DCAF15: variants seen among roughly 807,000 people sequenced by gnomAD.
The protein encoded by DCAF15 is DDB1- and CUL4-associated factor 15.
Under a neutral mutation model 68.0 loss-of-function variants are expected in DCAF15, and 24 were observed. The ratio of observed to expected loss-of-function variants is 0.35; its 90% confidence interval spans 0.26 to 0.50. DCAF15 has a LOEUF of 0.50. Ranked by LOEUF, DCAF15 falls within the 20% of genes least tolerant of loss-of-function variation. The pLI, the probability that DCAF15 is intolerant of heterozygous loss-of-function variation, is 0.98. For missense variants in DCAF15, 627 were observed against 830.6 expected, an observed-to-expected ratio of 0.75 and a Z score of 3.01; for synonymous variants, 376 against 341.6, an observed-to-expected ratio of 1.10 and a Z score of -1.11.
In DCAF15 at chr19:13,961,415, C is replaced by T. The variant is rs887358553; in HGVS notation, c.*420C>T. 1.0e-5 allele frequency: 2 copies of T among 200,922 alleles called. No homozygotes were observed. The highest frequency in any genetic ancestry group is 2.3e-5 in the African/African-American group (1 of 42,928). 12.4% of individuals were successfully genotyped at this position (200,922 alleles called of 1,614,324 possible). On this transcript the variant is annotated 3_prime_UTR_variant, in exon 13 of 13. Transcript: ENST00000254337. ...ACCTGGCCATCCCCATTCCGTTCTT[C>T]TTCATGTAATAAATGTTTTAATTTC...
chr19:13,955,632 G>A (rs1217248211), intron 3 of DCAF15, among the ~76,000 whole-genome samples: 1 of 152,180 alleles, frequency 6.6e-6, no homozygotes, highest in Non-Finnish European at 1.5e-5. Flanking sequence ...AACTCAGAGA[G>A]CTGAACGGGC....
Position 13,959,166 on chromosome 19 carries a change from G to A in DCAF15, c.906G>A (p.Ala302=), listed in dbSNP as rs116556577. The A allele has an allele frequency of 2.7e-5, 44 of 1,612,356 alleles. No homozygotes were observed. Among genetic ancestry groups the A allele is most frequent in the Admixed American group, 2.2e-4 (13 of 59,990 alleles). ...PPALPSFCPE[A]APARSSGSPE... is the part of the protein sequence containing the mutation. ...CCCTCCCCAGCTTCTGCCCTGAGGCGGCCCCAGCCCGTTCTTCTGGGTCTC... is the reference window on the plus strand; with the variant it reads ...CCCTCCCCAGCTTCTGCCCTGAGGCAGCCCCAGCCCGTTCTTCTGGGTCTC... Residue 302 remains alanine (A), a synonymous_variant, in exon 7 of 13, where the codon GCG becomes GCA. Transcript: ENST00000254337.
Position 13,960,055 on chromosome 19 carries a change from G to A in DCAF15, c.1512G>A (p.Glu504=), listed in dbSNP as rs776449506. The change falls in exon 10 of 13, where the codon GAG becomes GAA. Residue 504 remains glutamate (E), a synonymous_variant. Coordinates refer to ENST00000254337, the MANE Select transcript of DCAF15 (RefSeq NM_138353.4). ...TCCTGGCCTTCCCGTCCCCCACTGA[G>A]GAGGGCCAGCTCCGGTGAGCGCGGG... ...LLLLAFPSPT[E]EGQLRPKTYH... 6.2e-6 allele frequency: 10 copies of A among 1,613,720 alleles called. No homozygotes were observed. The highest frequency in any genetic ancestry group is 8.5e-6 in the Non-Finnish European group (10 of 1,180,002).
Position 13,961,275 on chromosome 19 carries a change from C to T in DCAF15, c.*280C>T, listed in dbSNP as rs1380348272. 2.0e-5 allele frequency: 11 copies of T among 539,268 alleles called. No homozygotes were observed. Among genetic ancestry groups the T allele is most frequent in the Non-Finnish European group, 3.3e-5 (10 of 299,054 alleles). The allele number at this position is 539,268 out of a possible 1,614,324, so 33.4% of individuals were successfully genotyped here. A position where few individuals can be genotyped will look rare whatever the true frequency, so the allele number is the denominator to read the frequency against. ...ACCCCGAGCTGGGCATGGGCCTGGC[C>T]CCTCGTGCATTTGCCCTTTTCTCGG... On this transcript the variant is annotated 3_prime_UTR_variant, in exon 13 of 13. Coordinates refer to ENST00000254337, the MANE Select transcript of DCAF15 (RefSeq NM_138353.4).
intron 1 of DCAF15, 85 bp downstream of exon 1, chr19:13,952,729 G>C (rs890911432): frequency 8.7e-6 from 9 of 1,032,248 alleles, no homozygotes; most frequent in Non-Finnish European, 1.0e-5. Flanking sequence ...CGTTCGCGGG[G>C]TGAGGGGTTG....
At chr19:13,957,849 T>G (rs572534402) in intron 6 of DCAF15, among the ~76,000 whole-genome samples, 1 of 152,052 alleles carries the variant, frequency 6.6e-6, no homozygotes, top group Non-Finnish European at 1.5e-5. Flanking sequence ...ATTGTGCCAA[T>G]GTACTCCAGC....
At chr19:13,954,232 G>A in intron 1 of DCAF15, 108 bp from the exon 2 acceptor site, 1 of 893,884 alleles carries the variant, frequency 1.1e-6, no homozygotes, top group Non-Finnish European at 1.8e-6. Flanking sequence ...CATTATGGTG[G>A]GCTGGGCCGG....
At chr19:13,954,794 G>A (rs568200458) in intron 3 of DCAF15, 133 bp downstream of exon 3, 1 of 999,372 alleles carries the variant, frequency 1.0e-6, no homozygotes, top group East Asian at 2.5e-5. Context: ...AAGATTCCAT[G>A]TGTTAGATCC....
intron 1 of DCAF15, chr19:13,953,212 C>T: frequency 7.2e-7 from 1 of 1,387,152 alleles, no homozygotes; most frequent in South Asian, 1.4e-5. Context: ...GGCTCTGTCT[C>T]CTCCATCAGA....
chr19:13,956,671 A>C, intron 6 of DCAF15, 149 bp downstream of exon 6: 3 of 933,102 alleles, frequency 3.2e-6, no homozygotes, highest in Non-Finnish European at 3.2e-6. Flanking sequence ...TGCGGTCCAA[A>C]TGTGGCCACG....
At chr19:13,953,292 A>G (rs1973174002) in intron 1 of DCAF15, 1 of 663,988 alleles carries the variant, frequency 1.5e-6, no homozygotes, top group Non-Finnish European at 2.5e-6. Context: ...GAGGGCAGAA[A>G]TGTGGATCTC....
Position 13,953,000 on chromosome 19 carries a change from C to T in DCAF15, c.132+356C>T, listed in dbSNP as rs142378263. The T allele has an allele frequency of 2.6e-4, 309 of 1,185,896 alleles. No homozygotes were observed. The African/African-American group carries it at 4.4e-3, about 17-fold the overall frequency. 73.5% of individuals were successfully genotyped at this position (1,185,896 alleles called of 1,614,324 possible). On this transcript the variant is annotated intron_variant, in intron 1 of 12. Coordinates refer to ENST00000254337, the MANE Select transcript of DCAF15 (RefSeq NM_138353.4). ...CAAAGCTCTGCTCCCATGGTTGCTC[C>T]ATAATGGAACCTTCCCGCCCCCTTT...
chr19:13,958,724 T>C (rs1252213614), intron 6 of DCAF15, among the ~76,000 whole-genome samples: 1 of 152,108 alleles, frequency 6.6e-6, no homozygotes. Flanking sequence ...GGCTGGATGC[T>C]ACTGTAGTGA....
In DCAF15 at chr19:13,961,203, C is replaced by T. The variant is rs540658544; in HGVS notation, c.*208C>T. 3.4e-4 allele frequency: 212 copies of T among 631,380 alleles called. 1 individual carries two copies. The highest frequency in any genetic ancestry group is 9.6e-4 in the Admixed American group (35 of 36,390). The allele number at this position is 631,380 out of a possible 1,614,324, so 39.1% of individuals were successfully genotyped here. A position where few individuals can be genotyped will look rare whatever the true frequency, so the allele number is the denominator to read the frequency against. ...TATGCCTATTTAAGTTGGGAAGGGG[C>T]AGAGAGAGGGCGCCCCCTGCCCCAC... On this transcript the variant is annotated 3_prime_UTR_variant, in exon 13 of 13. Transcript: ENST00000254337.
chr19:13,959,712 G>C, intron 8 of DCAF15, 39 bp downstream of exon 8: 2 of 1,612,648 alleles, frequency 1.2e-6, no homozygotes, highest in African/African-American at 1.3e-5. Context: ...ACAGTCCCGG[G>C]GAGCTGCCGG....
intron 6 of DCAF15, 60 bp downstream of exon 6, chr19:13,956,582 C>T: frequency 1.9e-6 from 3 of 1,577,340 alleles, no homozygotes; most frequent in South Asian, 2.2e-5. Context: ...CTCCCTACCC[C>T]ACCACACAGA....
At chr19:13,960,132 G>A in intron 10 of DCAF15, 63 bp downstream of exon 10, 2 of 1,596,036 alleles carry the variant, frequency 1.3e-6, no homozygotes, top group Non-Finnish European at 1.7e-6. Flanking sequence ...ACTTCACGGT[G>A]GGGGTGTGGG....
At chr19:13,958,342 C>T (rs1344653915) in intron 6 of DCAF15, among the ~76,000 whole-genome samples, 1 of 152,118 alleles carries the variant, frequency 6.6e-6, no homozygotes, top group Non-Finnish European at 1.5e-5. Context: ...GGAGGGCTGT[C>T]ACGGTGGTGG....
At chr19:13,958,157 C>T (rs1048888944) in intron 6 of DCAF15, among the ~76,000 whole-genome samples, 5 of 152,096 alleles carry the variant, frequency 3.3e-5, no homozygotes, top group African/African-American at 4.8e-5. Flanking sequence ...CCCCAGCTTG[C>T]GAGGGTTGAC....
Sources: allele counts gnomAD v4.1 joint callset (sites outside exome capture counted in the v4.1 genomes callset), GRCh38; gene constraint gnomAD v4.1.1; transcripts MANE v1.5; gene names NCBI Gene and HGNC (gene_info 2026-07-23, HGNC 2026-07-21).